EXOC6B: variants seen among roughly 807,000 people sequenced by gnomAD.
EXOC6B encodes SEC15 homolog B.
EXOC6B carries 54 observed loss-of-function variants against 113.5 expected under a neutral mutation model. The ratio of observed to expected loss-of-function variants is 0.48; its 90% CI spans 0.38 to 0.60. The LOEUF (loss-of-function observed/expected upper bound fraction) is 0.60. EXOC6B is among the 20% of genes least tolerant of loss of function. The pLI, the probability that EXOC6B is intolerant of heterozygous loss-of-function variation, is 0.00. For missense variants in EXOC6B, 797 were observed against 977.5 expected, an observed-to-expected ratio of 0.82 and a Z score of 2.46; for synonymous variants, 357 against 339.0, an observed-to-expected ratio of 1.05 and a Z score of -0.58.
intron 20 of EXOC6B, among the ~76,000 whole-genome samples, chr2:72,187,602 T>C (rs1490509078): frequency 6.6e-6 from 1 of 152,068 alleles, no homozygotes; most frequent in Non-Finnish European, 1.5e-5. Flanking sequence ...TGTTCAGCTA[T>C]CAGCAGAGAG....
At chr2:72,614,483 C>A (rs1671269272) in intron 6 of EXOC6B, among the ~76,000 whole-genome samples, 1 of 152,056 alleles carries the variant, frequency 6.6e-6, no homozygotes, top group Non-Finnish European at 1.5e-5. Flanking sequence ...AATCAGTGGT[C>A]CCCACCTCCC....
intron 16 of EXOC6B, among the ~76,000 whole-genome samples, chr2:72,487,320 T>G (rs907560772): frequency 1.3e-5 from 2 of 152,106 alleles, no homozygotes; most frequent in African/African-American, 4.8e-5. Context: ...AGATTTTCCT[T>G]CTTTTTGATT....
At chr2:72,733,651 C>T (rs967945661) in intron 2 of EXOC6B, among the ~76,000 whole-genome samples, 2 of 152,102 alleles carry the variant, frequency 1.3e-5, no homozygotes, top group African/African-American at 4.8e-5. Flanking sequence ...ATAATCTCTC[C>T]ATCAGATAGT....
intron 3 of EXOC6B, 82 bp from the exon 4 acceptor site, chr2:72,731,327 A>C: frequency 9.6e-7 from 1 of 1,036,728 alleles, no homozygotes; most frequent in Non-Finnish European, 1.5e-6. Context: ...CACTGTGTTC[A>C]ATTCATCAGA....
intron 1 of EXOC6B, among the ~76,000 whole-genome samples, chr2:72,742,825 G>C (rs1238363135): frequency 6.6e-6 from 1 of 152,030 alleles, no homozygotes; most frequent in African/African-American, 2.4e-5. Flanking sequence ...CATCTCTGTA[G>C]TGCTGATTTC....
intron 7 of EXOC6B, among the ~76,000 whole-genome samples, chr2:72,571,528 T>C (rs756824119): frequency 3.9e-5 from 6 of 152,164 alleles, no homozygotes; most frequent in Admixed American, 2.6e-4. Context: ...TTTATTAGCT[T>C]AGCCAATAAT....
chr2:72,548,968 C>A (rs960529540), intron 8 of EXOC6B, among the ~76,000 whole-genome samples: 2 of 151,678 alleles, frequency 1.3e-5, no homozygotes, highest in Non-Finnish European at 2.9e-5. Context: ...GCCAAGATCG[C>A]GCCACTGCAC....
intron 20 of EXOC6B, among the ~76,000 whole-genome samples, chr2:72,315,121 C>T (rs1687433669): frequency 6.6e-6 from 1 of 152,058 alleles, no homozygotes; most frequent in African/African-American, 2.4e-5. Context: ...GGAAATGTCT[C>T]AATTAAGTGA....
intron 18 of EXOC6B, among the ~76,000 whole-genome samples, chr2:72,408,412 C>A (rs1693932672): frequency 6.6e-6 from 1 of 152,056 alleles, no homozygotes; most frequent in Admixed American, 6.6e-5. Flanking sequence ...TGCCAAGTCA[C>A]TCCTAAGCCA....
intron 8 of EXOC6B, among the ~76,000 whole-genome samples, chr2:72,556,130 G>A (rs576430474): frequency 1.1e-4 from 17 of 152,302 alleles, no homozygotes; most frequent in Non-Finnish European, 2.1e-4. Flanking sequence ...AGCAAAGGTC[G>A]AGGCAACAGA....
intron 18 of EXOC6B, among the ~76,000 whole-genome samples, chr2:72,453,835 A>G (rs1030110830): frequency 4.6e-5 from 7 of 152,190 alleles, no homozygotes; most frequent in African/African-American, 1.7e-4. Context: ...TCACTCTCCT[A>G]TGAAGAAATA....
chr2:72,630,033 C>T (rs1672291731), intron 6 of EXOC6B, among the ~76,000 whole-genome samples: 1 of 152,134 alleles, frequency 6.6e-6, no homozygotes, highest in Non-Finnish European at 1.5e-5. Context: ...GTCCTTAATA[C>T]TCAACAAATT....
In EXOC6B at chr2:72,749,119, C is replaced by T. The variant is rs376773902; in HGVS notation, c.114-7650G>A. ...TATCTTTCAGTGGTGGTCATGAAATCTGGCAGATAAAAGTTAGATCATGAA... is the reference window on the plus strand; with the variant it reads ...TATCTTTCAGTGGTGGTCATGAAATTTGGCAGATAAAAGTTAGATCATGAA... On this transcript the variant is annotated intron_variant, in intron 1 of 21. Coordinates refer to ENST00000272427, the MANE Select transcript of EXOC6B (RefSeq NM_015189.3). 1.4e-4 allele frequency among the ~76,000 whole-genome samples: 22 copies of T among 152,118 alleles called. 2 individuals carry two copies. The highest frequency in any genetic ancestry group is 4.6e-4 in the African/African-American group (19 of 41,530).
At chr2:72,634,825 C>G (rs1445054980) in intron 6 of EXOC6B, among the ~76,000 whole-genome samples, 1 of 151,956 alleles carries the variant, frequency 6.6e-6, no homozygotes, top group African/African-American at 2.4e-5. Context: ...CAAGTATCAA[C>G]AGAACATATA....
intron 18 of EXOC6B, among the ~76,000 whole-genome samples, chr2:72,447,952 T>C (rs534304755): frequency 7.9e-5 from 12 of 152,312 alleles, no homozygotes; most frequent in African/African-American, 2.4e-4. Flanking sequence ...CCATCATTCA[T>C]ACTATACTCT....
intron 13 of EXOC6B, among the ~76,000 whole-genome samples, chr2:72,498,193 G>A (rs541404866): frequency 2.0e-4 from 31 of 152,224 alleles, no homozygotes; most frequent in Non-Finnish European, 3.5e-4. Context: ...GATATTTATC[G>A]AAGGAAACAA....
chr2:72,655,965 T>C (rs1449894364), intron 6 of EXOC6B, among the ~76,000 whole-genome samples: 1 of 152,110 alleles, frequency 6.6e-6, no homozygotes, highest in Non-Finnish European at 1.5e-5. Context: ...ATATGTCAAT[T>C]AATCCAGTAA....
At chr2:72,794,010 G>T (rs1684816599) in intron 1 of EXOC6B, among the ~76,000 whole-genome samples, 1 of 152,132 alleles carries the variant, frequency 6.6e-6, no homozygotes, top group Admixed American at 6.5e-5. Flanking sequence ...CCAGGAAAGG[G>T]GTGTCCCCTG....
At chr2:72,493,809 T>C (rs1326947020) in intron 15 of EXOC6B, among the ~76,000 whole-genome samples, 3 of 152,136 alleles carry the variant, frequency 2.0e-5, no homozygotes, top group Non-Finnish European at 4.4e-5. Context: ...CTGTCTAGTG[T>C]AAAAGAGAAA....
Sources: gnomAD v4.1 joint callset for allele counts (sites outside exome capture counted in the v4.1 genomes callset) on GRCh38, gnomAD v4.1.1 for gene constraint, MANE v1.5 for transcripts, NCBI Gene and HGNC (gene_info 2026-07-23, HGNC 2026-07-21) for gene names.